The following HNRNPUL1 variants were observed in gnomAD, a reference collection of about 807,000 sequenced individuals.
HNRNPUL1 encodes the protein heterogeneous nuclear ribonucleoprotein U like 1, also known as heterogeneous nuclear ribonucleoprotein U-like protein 1.
A neutral mutation model predicts 108.5 loss-of-function variants in HNRNPUL1; 14 were observed. The ratio of observed to expected loss-of-function variants is 0.13; its 90% CI spans 0.09 to 0.20. HNRNPUL1 has a LOEUF of 0.20. Among genes scored for constraint, HNRNPUL1 ranks in the 10% least tolerant of loss-of-function variants. The probability of loss-of-function intolerance (pLI) is 1.00; values close to 1 mark genes in which losing one functional copy is unlikely to be tolerated. For synonymous variants in HNRNPUL1, 422 were observed against 445.2 expected (o/e 0.95, Z 0.66); for missense variants, 804 against 1,168.3 (o/e 0.69, Z 4.55).
Position 41,307,774 on chromosome 19 carries a change from A to G in HNRNPUL1, c.*1209A>G, listed in dbSNP as rs2037618125. On this transcript the variant is annotated 3_prime_UTR_variant, in exon 15 of 15. Coordinates refer to ENST00000392006, the MANE Select transcript of HNRNPUL1 (RefSeq NM_007040.6). ...AAATTATTTACTCATTCATTAAACAACTTAACTGAGGGATTCATGTGCCTG... is the reference window on the plus strand; with the variant it reads ...AAATTATTTACTCATTCATTAAACAGCTTAACTGAGGGATTCATGTGCCTG... Among the ~76,000 whole-genome samples the G allele has an allele frequency of 6.6e-6, 1 of 152,122 alleles. No homozygotes were observed. Among genetic ancestry groups the G allele is most frequent in the Non-Finnish European group, 1.5e-5 (1 of 68,028 alleles).
chr19:41,305,794 C>T lies in HNRNPUL1; in HGVS notation c.2381C>T (p.Pro794Leu), dbSNP rs750463421. Residue 794 changes from proline to leucine, a missense_variant, in exon 14 of 15, where the codon CCG becomes CTG. By Grantham distance (98) the Pro-to-Leu change is moderately conservative. Coordinates refer to ENST00000392006, the MANE Select transcript of HNRNPUL1 (RefSeq NM_007040.6). ...YNYGSYGGYN[P>L]APYTPPPPPT... Reference sequence around the variant, plus strand: ...TATGGGAGCTACGGCGGTTACAACCCGGCCCCCTATACCCCACCGCCACCC... The same window carrying T: ...TATGGGAGCTACGGCGGTTACAACCTGGCCCCCTATACCCCACCGCCACCC... 23 of 1,611,708 alleles carry T rather than the reference C, an allele frequency of 1.4e-5. No individual in the cohort carries two copies. The highest frequency in any genetic ancestry group is 2.2e-5 in the East Asian group (1 of 44,838).
intron 1 of HNRNPUL1, chr19:41,265,089 T>G: frequency 7.1e-7 from 1 of 1,413,356 alleles, no homozygotes; most frequent in Non-Finnish European, 9.2e-7. Context: ...GGAAACTGCT[T>G]TCTGGAGCCG....
rs142945712 is a variant in HNRNPUL1 at position 41,281,247 on chromosome 19, C to T, written c.971C>T (p.Ala324Val). The part of the protein sequence containing the change: ...SRFENYGDKF[A>V]ENDVIGCFAD... ...TTTGAAAACTACGGAGACAAGTTTG[C>T]AGAGAACGATGTGATTGGCTGCTTT... Residue 324 changes from alanine (A) to valine (V), a missense_variant, in exon 7 of 15, where the codon GCA becomes GTA. Physicochemically the swap from Ala to Val is moderately conservative, Grantham distance 64. This residue lies in a region of HNRNPUL1 where 174 missense variants were observed against 296.6 expected (regional missense o/e 0.59). Transcript: ENST00000392006. 6.2e-7 allele frequency: 1 copy of T among 1,613,880 alleles called. No individual in the cohort carries two copies. Among genetic ancestry groups the T allele is most frequent in the East Asian group, 2.2e-5 (1 of 44,856 alleles).
rs557719601 is a variant in HNRNPUL1 at position 41,306,505 on chromosome 19, C to T, written c.2511C>T (p.Tyr837=). ...ACCAGGGCCAGTGGCCGCCATACTA[C>T]GGGAACTACGACTACGGGAGCTACT... ...YQNQGQWPPY[Y]GNYDYGSYSG... The change falls in exon 15 of 15, where the codon TAC becomes TAT. Residue 837 remains tyrosine, a synonymous_variant. Transcript: ENST00000392006. 2.9e-5 allele frequency: 47 copies of T among 1,606,196 alleles called. No homozygotes were observed. The highest frequency in any genetic ancestry group is 4.6e-5 in the East Asian group (2 of 43,758).
chr19:41,271,993 C>T, intron 2 of HNRNPUL1, 89 bp from the exon 3 acceptor site: 5 of 1,442,386 alleles, frequency 3.5e-6, no homozygotes, highest in Non-Finnish European at 4.8e-6. Context: ...GAGGATCCTG[C>T]TCACATCTCT....
At chr19:41,290,678 T>C (rs1423335258) in intron 7 of HNRNPUL1, among the ~76,000 whole-genome samples, 5 of 152,128 alleles carry the variant, frequency 3.3e-5, no homozygotes, top group East Asian at 1.9e-4. Context: ...CCCGCCCCCC[T>C]TTTTTTGATA....
intron 13 of HNRNPUL1, 41 bp from the exon 14 acceptor site, chr19:41,305,635 C>A (rs1482781081): frequency 1.2e-6 from 2 of 1,613,052 alleles, no homozygotes; most frequent in Admixed American, 3.3e-5. Flanking sequence ...CAGATTTCCT[C>A]TATTTCACAG....
At position 41,272,131 on chromosome 19, in the gene HNRNPUL1, T is replaced by G. The variant is rs755338186; in HGVS notation, c.468T>G (p.Pro156=). 23 of 1,613,990 alleles carry G rather than the reference T, an allele frequency of 1.4e-5. No homozygotes were observed. Among genetic ancestry groups the G allele is most frequent in the Non-Finnish European group, 1.9e-5 (23 of 1,179,984 alleles). Residue 156 remains proline, a synonymous_variant, in exon 3 of 15, where the codon CCT becomes CCG. Coordinates refer to ENST00000392006, the MANE Select transcript of HNRNPUL1 (RefSeq NM_007040.6). Reference sequence around the variant, plus strand: ...GAGCACCCACCAGCTTCCTCCCGCCTGAAGCTTCTCAACTCAAGCCAGACA... The same window carrying G: ...GAGCACCCACCAGCTTCCTCCCGCCGGAAGCTTCTCAACTCAAGCCAGACA... ...KQGAPTSFLP[P]EASQLKPDRQ... is the part of the protein sequence containing the mutation.
At chr19:41,301,852 A>G (rs765783523) in intron 11 of HNRNPUL1, 148 bp downstream of exon 11, 32 of 735,732 alleles carry the variant, frequency 4.3e-5, no homozygotes, top group Non-Finnish European at 6.6e-5. Context: ...TTCCTTGTCT[A>G]CCACAGCTGT....
intron 14 of HNRNPUL1, 66 bp downstream of exon 14, chr19:41,305,933 C>A: frequency 1.8e-6 from 2 of 1,128,354 alleles, no homozygotes; most frequent in East Asian, 2.4e-5. Context: ...GGTGTGTATT[C>A]CCAGACTTAA....
chr19:41,272,131 T>C lies in HNRNPUL1; in HGVS notation c.468T>C (p.Pro156=), dbSNP rs755338186. ...GAGCACCCACCAGCTTCCTCCCGCC[T>C]GAAGCTTCTCAACTCAAGCCAGACA... ...KQGAPTSFLP[P]EASQLKPDRQ... is the part of the protein sequence containing the mutation. The change falls in exon 3 of 15, where the codon CCT becomes CCC. Residue 156 remains proline (P), a synonymous_variant. Transcript: ENST00000392006. 14 of 1,613,990 alleles carry C rather than the reference T, an allele frequency of 8.7e-6. No individual in the cohort carries two copies. The Admixed American group carries it at 2.3e-4, about 27-fold the overall frequency.
At chr19:41,268,120 C>T in intron 1 of HNRNPUL1, 103 bp from the exon 2 acceptor site, 1 of 1,104,192 alleles carries the variant, frequency 9.1e-7, no homozygotes, top group South Asian at 1.5e-5. Context: ...ATTCTTACCA[C>T]TCTTAGTTGA....
At chr19:41,291,984 AAAAAAAAAAC>A in intron 7 of HNRNPUL1, 2 of 429,212 alleles carry the variant, frequency 4.7e-6, no homozygotes, top group Non-Finnish European at 8.5e-6. Flanking sequence ...TGTCTCAAAA[AAAAAAAAAAC>A]AAAAAAAAAA....
chr19:41,288,689 A>G (rs1010253407), intron 7 of HNRNPUL1, among the ~76,000 whole-genome samples: 5 of 152,078 alleles, frequency 3.3e-5, no homozygotes, highest in Admixed American at 2.6e-4. Flanking sequence ...CTTTGTATTT[A>G]GTGACTGTAA....
At chr19:41,293,324 T>A (rs970288179) in intron 8 of HNRNPUL1, among the ~76,000 whole-genome samples, 2 of 152,242 alleles carry the variant, frequency 1.3e-5, no homozygotes, top group Non-Finnish European at 2.9e-5. Flanking sequence ...TCACAAACAT[T>A]TATCATTGAG....
chr19:41,268,624 C>T (rs577671648), intron 2 of HNRNPUL1, among the ~76,000 whole-genome samples: 3 of 151,918 alleles, frequency 2.0e-5, no homozygotes, highest in South Asian at 2.1e-4. Context: ...TTTGGGAGGC[C>T]GAGGCAGGTG....
upstream of HNRNPUL1, among the ~76,000 whole-genome samples, chr19:41,263,974 C>T (rs970533142): frequency 6.6e-6 from 1 of 152,202 alleles, no homozygotes; most frequent in Admixed American, 6.5e-5. Context: ...GGGAGATGTA[C>T]ACCAATCGGA....
Position 41,301,658 on chromosome 19 carries a change from C to T in HNRNPUL1, c.1641C>T (p.Asp547=). 2 of 1,613,848 alleles carry T rather than the reference C, an allele frequency of 1.2e-6. No individual in the cohort carries two copies. The highest frequency in any genetic ancestry group is 8.5e-7 in the Non-Finnish European group (1 of 1,179,954). The change falls in exon 11 of 15, where the codon GAC becomes GAT. Residue 547 remains aspartate, a synonymous_variant. Transcript: ENST00000392006. Reference sequence around the variant, plus strand: ...AAGACCGAACAATAAAGCGAACCGACGAGGAAGGGAAGGATGTCCCAGATC... The same window carrying T: ...AAGACCGAACAATAAAGCGAACCGATGAGGAAGGGAAGGATGTCCCAGATC... ...DLKDRTIKRT[D]EEGKDVPDHA... is the part of the protein sequence containing the mutation.
At chr19:41,302,305 G>A (rs971987477) in intron 11 of HNRNPUL1, 11 of 314,764 alleles carry the variant, frequency 3.5e-5, no homozygotes, top group African/African-American at 2.3e-4. Context: ...CGCAACCTCC[G>A]CCTCCTGAGT....
Sources: gnomAD v4.1 joint callset for allele counts (sites outside exome capture counted in the v4.1 genomes callset) on GRCh38, gnomAD v4.1.1 for gene constraint, gnomAD v4.1.1 regional missense constraint, MANE v1.5 for transcripts, NCBI Gene and HGNC (gene_info 2026-07-23, HGNC 2026-07-21) for gene names.